CEACAM3: variants seen among roughly 807,000 people sequenced by gnomAD.
CEACAM3 encodes the protein CEA cell adhesion molecule 3.
In CEACAM3, 32 loss-of-function variants were observed where a neutral mutation model predicts 30.1. That is an observed-to-expected ratio of 1.06 (90% CI 0.80 to 1.43). The LOEUF is 1.43. CEACAM3 is among the 40% of genes most tolerant of loss of function. The pLI is 0.00. For missense variants in CEACAM3, 290 were observed against 316.3 expected, an observed-to-expected ratio of 0.92 and a Z score of 0.63; for synonymous variants, 134 against 127.2, an observed-to-expected ratio of 1.05 and a Z score of -0.36.
At position 41,811,048 on chromosome 19, in the gene CEACAM3, G is replaced by A. The variant is rs1555827559; in HGVS notation, c.694-124G>A. On this transcript the variant is annotated intron_variant, in intron 6 of 6. Transcript: ENST00000357396. The stretch of plus-strand genomic sequence containing the variant: ...CAGAGGAGGGAGGGGCTTGGGAGCA[G>A]GAACCCCCTGAGCACAGCCAGGTTC... 2.5e-5 allele frequency: 32 copies of A among 1,278,676 alleles called. No individual in the cohort carries two copies. In the East Asian group the frequency reaches 7.3e-4, roughly 29 times the overall value. The allele number at this position is 1,278,676 out of a possible 1,614,324, so 79.2% of individuals were successfully genotyped here.
chr19:41,804,992 A>G (rs1320832639), intron 2 of CEACAM3, among the ~76,000 whole-genome samples: 3 of 152,222 alleles, frequency 2.0e-5, no homozygotes, highest in Non-Finnish European at 4.4e-5. Context: ...GACCACTGGC[A>G]TGATGTTCAA....
chr19:41,810,427 GC>G lies in CEACAM3; in HGVS notation c.627+79del. ...CAGGCTCTGGGCAGAGGGACCATCAGCCCCCCAGCACAGAACAGACCCACCT... is the reference window on the plus strand; with the variant it reads ...CAGGCTCTGGGCAGAGGGACCATCAGCCCCCAGCACAGAACAGACCCACCT... On this transcript the variant is annotated intron_variant, in intron 5 of 6. Transcript: ENST00000357396. The G allele has an allele frequency of 3.4e-6, 5 of 1,488,836 alleles. No homozygotes were observed. The African/African-American group carries it at 4.2e-5, about 12-fold the overall frequency. 92.2% of individuals were successfully genotyped at this position (1,488,836 alleles called of 1,614,324 possible). A position where few individuals can be genotyped will look rare whatever the true frequency, so the allele number is the denominator to read the frequency against.
intron 4 of CEACAM3, 105 bp from the exon 5 acceptor site, chr19:41,810,218 C>T: frequency 2.1e-6 from 3 of 1,457,680 alleles, no homozygotes; most frequent in Non-Finnish European, 2.8e-6. Flanking sequence ...ACCTCCCCAA[C>T]CTCAGCTGCT....
At chr19:41,810,467 A>C in intron 5 of CEACAM3, 113 bp downstream of exon 5, 20 of 1,201,404 alleles carry the variant, frequency 1.7e-5, no homozygotes, top group Non-Finnish European at 2.3e-5. Context: ...CCCAAAACAC[A>C]CAGGACAAGG....
rs1555825241 is a variant in CEACAM3 at position 41,796,706 on chromosome 19, GA to G, written c.30del (p.Glu11AsnfsTer15). The G allele has an allele frequency of 6.2e-7, 1 of 1,614,036 alleles. No individual in the cohort carries two copies. On this transcript the variant is annotated frameshift_variant, in exon 1 of 7. Transcript: ENST00000357396. LOFTEE classifies it high-confidence loss of function. ...GGGCCCCCCTCAGCCTCTCCCCACAGAGAATGCATCCCCTGGCAGGGGCTTC... is the reference window on the plus strand; with the variant it reads ...GGGCCCCCCTCAGCCTCTCCCCACAGGAATGCATCCCCTGGCAGGGGCTTC... MGPPSASPH[R>X]ECIPWQGLLL...
At chr19:41,800,605 T>C (rs138624343) in intron 2 of CEACAM3, among the ~76,000 whole-genome samples, 62 of 152,270 alleles carry the variant, frequency 4.1e-4, no homozygotes, top group African/African-American at 1.4e-3. Context: ...GCCTTCTAGA[T>C]AGCAGTAGTA....
At chr19:41,803,043 T>G (rs1216298482) in intron 2 of CEACAM3, among the ~76,000 whole-genome samples, 2 of 148,870 alleles carry the variant, frequency 1.3e-5, no homozygotes, top group Non-Finnish European at 3.0e-5. Context: ...TCAACAAAAC[T>G]GCACAAGACA....
intron 2 of CEACAM3, among the ~76,000 whole-genome samples, chr19:41,805,235 C>T (rs1235935463): frequency 6.6e-6 from 1 of 151,796 alleles, no homozygotes. Context: ...AGGAACAACT[C>T]CCTGCCAGCC....
chr19:41,806,831 C>T (rs932896702), intron 2 of CEACAM3, among the ~76,000 whole-genome samples: 7 of 152,244 alleles, frequency 4.6e-5, no homozygotes, highest in Middle Eastern at 3.4e-3. Flanking sequence ...GGACTACAGG[C>T]GCCTGCCACC....
At chr19:41,808,425 A>G (rs2073220800) in intron 2 of CEACAM3, among the ~76,000 whole-genome samples, 1 of 152,150 alleles carries the variant, frequency 6.6e-6, no homozygotes, top group Non-Finnish European at 1.5e-5. Flanking sequence ...AGGCCCCTGA[A>G]AACAGTCAAT....
At chr19:41,807,564 G>A in intron 2 of CEACAM3, 4 of 1,279,678 alleles carry the variant, frequency 3.1e-6, no homozygotes, top group Middle Eastern at 3.3e-4. Flanking sequence ...GGAGGGGAGA[G>A]GCTGCTCCTG....
chr19:41,810,513 C>A (rs944405878), intron 5 of CEACAM3, among the ~76,000 whole-genome samples, 159 bp downstream of exon 5: 1 of 152,016 alleles, frequency 6.6e-6, no homozygotes, highest in African/African-American at 2.4e-5. Flanking sequence ...GGCCTCCCTA[C>A]AGGGTCAGGA....
Position 41,797,804 on chromosome 19 carries a change from G to A in CEACAM3, c.280G>A (p.Ala94Thr), listed in dbSNP as rs782581482. Reference sequence around the variant, plus strand: ...AACTCAACAAGCTACCCCAGGGGCCGCATACAGCGGTCGAGAGACAATATA... The same window carrying A: ...AACTCAACAAGCTACCCCAGGGGCCACATACAGCGGTCGAGAGACAATATA... Reference protein sequence around the residue: ...IGTQQATPGAAYSGRETIYTN... With the variant: ...IGTQQATPGATYSGRETIYTN... Residue 94 changes from alanine (A) to threonine (T), a missense_variant, in exon 2 of 7, where the codon GCA (alanine) becomes ACA (threonine). By Grantham distance (58) the Ala-to-Thr change is moderately conservative. Transcript: ENST00000357396. The A allele has an allele frequency of 2.4e-5, 38 of 1,612,280 alleles. No homozygotes were observed. The highest frequency in any genetic ancestry group is 1.6e-4 in the East Asian group (7 of 44,892).
At chr19:41,800,965 C>A (rs1555825936) in intron 2 of CEACAM3, among the ~76,000 whole-genome samples, 1 of 152,086 alleles carries the variant, frequency 6.6e-6, no homozygotes, top group African/African-American at 2.4e-5. Context: ...TGGGGAGAGA[C>A]CCACCGACCC....
At chr19:41,802,793 T>C (rs2073162572) in intron 2 of CEACAM3, among the ~76,000 whole-genome samples, 1 of 152,258 alleles carries the variant, frequency 6.6e-6, no homozygotes, top group African/African-American at 2.4e-5. Context: ...GAGCCTGACC[T>C]GCTGGGGTTT....
At chr19:41,809,005 G>A (rs2073227191) in intron 3 of CEACAM3, 75 bp downstream of exon 3, 8 of 1,105,016 alleles carry the variant, frequency 7.2e-6, no homozygotes, top group Middle Eastern at 2.1e-4. Flanking sequence ...ACCTTGTCCT[G>A]TATTCAGGGC....
chr19:41,807,797 T>G (rs1325584548), intron 2 of CEACAM3, among the ~76,000 whole-genome samples: 1 of 152,124 alleles, frequency 6.6e-6, no homozygotes, highest in Non-Finnish European at 1.5e-5. Flanking sequence ...TTCCCACCAT[T>G]TCCCCCCCAG....
intron 6 of CEACAM3, 105 bp from the exon 7 acceptor site, chr19:41,811,067 C>T: frequency 7.4e-7 from 1 of 1,358,928 alleles, no homozygotes; most frequent in Non-Finnish European, 1.0e-6. Context: ...TGAGCACAGC[C>T]AGGTTCAGCC....
intron 2 of CEACAM3, among the ~76,000 whole-genome samples, chr19:41,799,742 G>T (rs1555825761): frequency 6.6e-6 from 1 of 152,152 alleles, no homozygotes; most frequent in Non-Finnish European, 1.5e-5. Flanking sequence ...CACACACTCA[G>T]TAGTTCTCTG....
Sources: gnomAD v4.1 joint callset for allele counts (sites outside exome capture counted in the v4.1 genomes callset) on GRCh38, gnomAD v4.1.1 for gene constraint, MANE v1.5 for transcripts, NCBI Gene and HGNC (gene_info 2026-07-23, HGNC 2026-07-21) for gene names.